The following SUMF2 variants were observed in gnomAD, a reference collection of about 807,000 sequenced individuals.
The protein encoded by SUMF2 is sulfatase modifying factor 2, also known as inactive C-alpha-formylglycine-generating enzyme 2.
SUMF2 carries 45 observed loss-of-function variants against 44.8 expected under a neutral mutation model. That is an observed-to-expected ratio of 1.00 (90% CI 0.79 to 1.29). SUMF2 has a LOEUF of 1.29. Among genes scored for constraint, SUMF2 ranks in the 50% most tolerant of loss-of-function variants. The pLI is 0.00. For synonymous variants in SUMF2, 148 were observed against 150.4 expected, an observed-to-expected ratio of 0.98 and a Z score of 0.12; for missense variants, 418 against 389.9, an observed-to-expected ratio of 1.07 and a Z score of -0.61.
chr7:56,081,412 G>T, downstream of SUMF2: 2 of 1,396,544 alleles, frequency 1.4e-6, no homozygotes, highest in South Asian at 1.4e-5. This position sits in a 1 kb window ranked among gnomAD's most constrained non-coding sequence, Gnocchi z 4.6. Flanking sequence ...TGGCTTCTGC[G>T]GGGCCTTCCT....
rs927551570 is a variant in SUMF2, at chr7:56,080,244, T to G, written c.*632T>G. The G allele has an allele frequency of 6.1e-6, 1 of 164,090 alleles. No individual in the cohort carries two copies. Among genetic ancestry groups the G allele is most frequent in the African/African-American group, 2.4e-5 (1 of 41,130 alleles). The allele number at this position is 164,090 out of a possible 1,614,324, so 10.2% of individuals were successfully genotyped here. On this transcript the variant is annotated 3_prime_UTR_variant, in exon 9 of 9. Coordinates refer to ENST00000434526, the MANE Select transcript of SUMF2 (RefSeq NM_015411.4). ...AAATAGTACTCCAGAAAGACAAATA[T>G]CAGAAGCTTCCTATTCTTTTTTTTT...
rs777521599 is a variant in SUMF2 at position 56,079,551 on chromosome 7, C to A, written c.845C>A (p.Ala282Asp). ...AGGATGGGCAACACTCCAGATTCAG[C>A]CTCAGACAACCTCGGTTTCCGCTGT... ...TTRMGNTPDS[A>D]SDNLGFRCAA... The change falls in exon 9 of 9, where the codon GCC (alanine) becomes GAC (aspartate). Residue 282 changes from alanine to aspartate, a missense_variant. Coordinates refer to ENST00000434526, the MANE Select transcript of SUMF2 (RefSeq NM_015411.4). The A allele has an allele frequency of 9.9e-6, 16 of 1,613,670 alleles. No homozygotes were observed. In the Admixed American group the frequency reaches 1.0e-4, roughly 10 times the overall value.
At chr7:56,081,431 C>T (rs1398113285), downstream of SUMF2, 2 of 1,299,480 alleles carry the variant, frequency 1.5e-6, no homozygotes, top group African/African-American at 1.5e-5. The surrounding 1 kb of genome is among the most constrained non-coding windows in gnomAD (Gnocchi z 4.6). Context: ...CTAGTGTCCC[C>T]CACTTCCCAC....
downstream of SUMF2, chr7:56,082,049 G>A (rs750705770): frequency 6.2e-7 from 1 of 1,611,918 alleles, no homozygotes; most frequent in Admixed American, 1.7e-5. Flanking sequence ...TGCTCCACCT[G>A]GACATGCGAG....
downstream of SUMF2, chr7:56,084,090 A>C (rs1796145690): frequency 3.3e-6 from 3 of 922,064 alleles, no homozygotes; most frequent in Non-Finnish European, 5.0e-6. Flanking sequence ...CCAGGCCAGG[A>C]TGGCTAGAAG....
At position 56,068,478 on chromosome 7, in the gene SUMF2, G is replaced by A. The variant is rs1794955377; in HGVS notation, c.68-4G>A. 1 of 1,593,446 alleles carries A rather than the reference G, an allele frequency of 6.3e-7. No homozygotes were observed. Among genetic ancestry groups the A allele is most frequent in the African/African-American group, 1.4e-5 (1 of 73,202 alleles). Reference sequence around the variant, plus strand: ...TTACTGGTAACTCTCTTTTTTCTCTGCAGGAAATGGACAGGCTACTAGCAT... The same window carrying A: ...TTACTGGTAACTCTCTTTTTTCTCTACAGGAAATGGACAGGCTACTAGCAT... On this transcript the variant is annotated splice_region_variant and splice_polypyrimidine_tract_variant and intron_variant, in intron 1 of 8. Coordinates refer to ENST00000434526, the MANE Select transcript of SUMF2 (RefSeq NM_015411.4).
At position 56,078,117 on chromosome 7, in the gene SUMF2, G is replaced by T; in HGVS notation, c.607G>T (p.Gly203Ter). Residue 203 changes from glycine (G) to a stop codon, truncating the protein, a stop_gained, in exon 7 of 9, where the codon GGA (glycine) becomes TGA (stop). Transcript: ENST00000434526. LOFTEE classifies it high-confidence loss of function. ...TNLWQGKFPK[G>*]DKAEDGFHGV... is the part of the protein sequence containing the mutation. ...CTCCCATCAGGGAAAGTTCCCCAAG[G>T]GAGACAAAGCTGAGGATGGCTTCCA... 1 of 1,612,096 alleles carries T rather than the reference G, an allele frequency of 6.2e-7. No homozygotes were observed. The highest frequency in any genetic ancestry group is 8.5e-7 in the Non-Finnish European group (1 of 1,178,442).
chr7:56,084,439 T>TCTCGGCTCACTGCAAC (rs1796165357), downstream of SUMF2, among the ~76,000 whole-genome samples: 1 of 146,884 alleles, frequency 6.8e-6, no homozygotes, highest in Non-Finnish European at 1.5e-5. Context: ...AATGATGCAA[T>TCTCGGCTCACTGCAAC]CTCGGCTCAC....
At chr7:56,064,506 A>G in intron 1 of SUMF2, 128 bp downstream of exon 1, 1 of 1,333,886 alleles carries the variant, frequency 7.5e-7, no homozygotes, top group South Asian at 1.4e-5. Context: ...CTGGGGAGGT[A>G]GCTCTCGGTG....
rs972581737 is a variant in SUMF2, at chr7:56,074,741, C to T, written c.535+5C>T. On this transcript the variant is annotated splice_donor_5th_base_variant and intron_variant, in intron 5 of 8. Transcript: ENST00000434526. ...CCGCCCGAGGGGGCTTGAAGGGTAT[C>T]CAGATGATAAGGCGATTTTCCTTTA... 3 of 1,614,084 alleles carry T rather than the reference C, an allele frequency of 1.9e-6. No individual in the cohort carries two copies. The South Asian group carries it at 3.3e-5, about 18-fold the overall frequency.
downstream of SUMF2, among the ~76,000 whole-genome samples, chr7:56,085,558 C>A (rs1796216057): frequency 1.3e-5 from 2 of 152,116 alleles, no homozygotes; most frequent in African/African-American, 2.4e-5. Flanking sequence ...GATCTTTGGA[C>A]CACACCCCAG....
intron 5 of SUMF2, 156 bp downstream of exon 5, chr7:56,074,892 G>T: frequency 1.1e-6 from 1 of 874,100 alleles, no homozygotes. Flanking sequence ...GAGGCCAGGA[G>T]TAAAAGACTA....
At chr7:56,080,740 C>T, downstream of SUMF2, 1 of 395,658 alleles carries the variant, frequency 2.5e-6, no homozygotes, top group Admixed American at 4.0e-5. Context: ...TAACTCTGGG[C>T]CTCCCCTAAA....
chr7:56,078,589 C>T (rs566636231), intron 8 of SUMF2, 81 bp downstream of exon 8: 3 of 1,420,200 alleles, frequency 2.1e-6, no homozygotes, highest in East Asian at 2.5e-5. Flanking sequence ...GTGTCCCTAC[C>T]TTCACACCAC....
intron 3 of SUMF2, chr7:56,073,403 A>T (rs904993461): frequency 1.2e-5 from 5 of 409,316 alleles, no homozygotes; most frequent in Non-Finnish European, 2.3e-5. Flanking sequence ...CTATAATCTC[A>T]GCACTTTGAG....
At position 56,079,549 on chromosome 7, in the gene SUMF2, A is replaced by G; in HGVS notation, c.843A>G (p.Ser281=). The change falls in exon 9 of 9, where the codon TCA becomes TCG. Residue 281 remains serine (S), a synonymous_variant. Coordinates refer to ENST00000434526, the MANE Select transcript of SUMF2 (RefSeq NM_015411.4). ...GCAGGATGGGCAACACTCCAGATTCAGCCTCAGACAACCTCGGTTTCCGCT... is the reference window on the plus strand; with the variant it reads ...GCAGGATGGGCAACACTCCAGATTCGGCCTCAGACAACCTCGGTTTCCGCT... The part of the protein sequence containing the change: ...VTTRMGNTPD[S]ASDNLGFRCA... The G allele has an allele frequency of 6.2e-7, 1 of 1,613,626 alleles. No individual in the cohort carries two copies. The highest frequency in any genetic ancestry group is 8.5e-7 in the Non-Finnish European group (1 of 1,179,640).
rs1200053135 is a variant in SUMF2 at position 56,067,302 on chromosome 7, GTTA to G, written c.68-1172_68-1170del. Among the ~76,000 whole-genome samples the G allele has an allele frequency of 7.2e-5, 11 of 152,156 alleles. 1 individual carries two copies. The South Asian group carries it at 1.7e-3, about 23-fold the overall frequency. ...AACATTTCACCCATGCTATCTTATTGTTATTATTATCTTTTTATTTTTTATTTT... is the reference window on the plus strand; with the variant it reads ...AACATTTCACCCATGCTATCTTATTGTTATTATCTTTTTATTTTTTATTTT... On this transcript the variant is annotated intron_variant, in intron 1 of 8. Coordinates refer to ENST00000434526, the MANE Select transcript of SUMF2 (RefSeq NM_015411.4).
chr7:56,085,021 C>A (rs1796195108), downstream of SUMF2, among the ~76,000 whole-genome samples: 1 of 152,162 alleles, frequency 6.6e-6, no homozygotes, highest in African/African-American at 2.4e-5. Context: ...AGTGCAGTGG[C>A]ACGATCTCAG....
At chr7:56,087,919 A>T in the SUMF2 span, 1 of 558,206 alleles carries the variant, frequency 1.8e-6, no homozygotes, top group Non-Finnish European at 3.1e-6. Flanking sequence ...GAAATGGTGG[A>T]TGAATAAATA....
Sources: allele counts gnomAD v4.1 joint callset (sites outside exome capture counted in the v4.1 genomes callset), GRCh38; gene constraint gnomAD v4.1.1; non-coding constraint Gnocchi (gnomAD v3.1); transcripts MANE v1.5; gene names NCBI Gene and HGNC (gene_info 2026-07-23, HGNC 2026-07-21).